The following PIK3C2A variants were observed in gnomAD, a reference collection of about 807,000 sequenced individuals.
The protein encoded by PIK3C2A is phosphatidylinositol 4-phosphate 3-kinase C2 domain-containing subunit alpha.
Under a neutral mutation model 204.5 loss-of-function variants are expected in PIK3C2A, and 97 were observed. The ratio of observed to expected loss-of-function variants is 0.47; its 90% CI spans 0.40 to 0.56. The LOEUF is 0.56. Among genes scored for constraint, PIK3C2A ranks in the 20% least tolerant of loss-of-function variants. The probability of loss-of-function intolerance (pLI) is 0.00; values close to 1 mark genes in which losing one functional copy is unlikely to be tolerated. For synonymous variants in PIK3C2A, 653 were observed against 664.4 expected (o/e 0.98, Z 0.26); for missense variants, 1,735 against 1,969.2 (o/e 0.88, Z 2.25).
At chr11:17,135,651 T>C (rs867809559) in intron 9 of PIK3C2A, among the ~76,000 whole-genome samples, 1 of 151,338 alleles carries the variant, frequency 6.6e-6, no homozygotes, top group African/African-American at 2.4e-5. Context: ...TCCATGGTAG[T>C]TGATCACCTT....
At chr11:17,167,054 T>G (rs1386555369) in intron 2 of PIK3C2A, among the ~76,000 whole-genome samples, 1 of 152,002 alleles carries the variant, frequency 6.6e-6, no homozygotes, top group Non-Finnish European at 1.5e-5. Flanking sequence ...CACAGCAGTC[T>G]CAACCTCCTG....
chr11:17,101,209 T>A (rs1848612962), intron 25 of PIK3C2A, 69 bp downstream of exon 25: 1 of 895,610 alleles, frequency 1.1e-6, no homozygotes, highest in Non-Finnish European at 1.6e-6. Flanking sequence ...CACAAAATAA[T>A]CTTTTTTAAG....
At chr11:17,108,202 C>G (rs1304240142) in intron 22 of PIK3C2A, among the ~76,000 whole-genome samples, 2 of 152,148 alleles carry the variant, frequency 1.3e-5, no homozygotes, top group Non-Finnish European at 2.9e-5. Context: ...AGAGCTGTAA[C>G]ACTCAAAAAT....
intron 1 of PIK3C2A, among the ~76,000 whole-genome samples, chr11:17,192,505 T>G (rs867125484): frequency 6.6e-6 from 1 of 152,234 alleles, no homozygotes; most frequent in Non-Finnish European, 1.5e-5. Context: ...TGGAGTACAG[T>G]GGCGCAATCT....
chr11:17,174,680 C>G (rs999249067), intron 1 of PIK3C2A, among the ~76,000 whole-genome samples: 3 of 151,522 alleles, frequency 2.0e-5, no homozygotes, highest in African/African-American at 7.3e-5. Flanking sequence ...AAGTGGATCA[C>G]CTGAGGTCAG....
At chr11:17,206,455 G>A (rs963382250) in intron 1 of PIK3C2A, among the ~76,000 whole-genome samples, 3 of 151,258 alleles carry the variant, frequency 2.0e-5, no homozygotes, top group Non-Finnish European at 2.9e-5. Flanking sequence ...GGGTCCTTTC[G>A]TCTAATTTGC....
chr11:17,191,860 T>C (rs1241703062), intron 1 of PIK3C2A, among the ~76,000 whole-genome samples: 2 of 151,694 alleles, frequency 1.3e-5, no homozygotes, highest in East Asian at 3.9e-4. Flanking sequence ...TGGCCAGGTG[T>C]GGTGGCTCAT....
rs190586449 is a variant in PIK3C2A at position 17,091,902 on chromosome 11, G to A, written c.4642+94C>T. 3 of 839,408 alleles carry A rather than the reference G, an allele frequency of 3.6e-6. No homozygotes were observed. In the East Asian group the frequency reaches 7.2e-5, roughly 20 times the overall value. 52.0% of individuals were successfully genotyped at this position (839,408 alleles called of 1,614,324 possible). A position where few individuals can be genotyped will look rare whatever the true frequency, so the allele number is the denominator to read the frequency against. ...ACTCTCCTCCCATTCTCAGACTACA[G>A]CTAGTAAGCCTGCTGTCATTCTACC... On this transcript the variant is annotated intron_variant, in intron 30 of 32. Transcript: ENST00000691414.
rs1453392281 is a variant in PIK3C2A at position 17,108,430 on chromosome 11, T to C, written c.3544+2002A>G. Among the ~76,000 whole-genome samples the C allele has an allele frequency of 2.0e-5, 3 of 151,970 alleles. No homozygotes were observed. The East Asian group carries it at 5.8e-4, about 29-fold the overall frequency. On this transcript the variant is annotated intron_variant, in intron 22 of 32. Coordinates refer to ENST00000691414, the MANE Select transcript of PIK3C2A (RefSeq NM_002645.4). The stretch of plus-strand genomic sequence containing the variant: ...GGCCTCGACAACATAGTGAGACCCC[T>C]GTCTTTATGAAAAATTTTAAAAATT...
In PIK3C2A at chr11:17,117,482, G is replaced by A; in HGVS notation, c.3216+9C>T. On this transcript the variant is annotated intron_variant, in intron 19 of 32. Coordinates refer to ENST00000691414, the MANE Select transcript of PIK3C2A (RefSeq NM_002645.4). The stretch of plus-strand genomic sequence containing the variant: ...TAACACATTTATATTACCTTTTATG[G>A]GTACATACCTGTCTGGCTGATCCAC... 1.3e-6 allele frequency: 2 copies of A among 1,580,034 alleles called. No homozygotes were observed. The highest frequency in any genetic ancestry group is 1.7e-6 in the Non-Finnish European group (2 of 1,154,066).
In PIK3C2A at chr11:17,184,222, TA is replaced by T. The variant is rs5789975; in HGVS notation, c.-65-14417del. On this transcript the variant is annotated intron_variant, in intron 1 of 32. Transcript: ENST00000691414. ...ACTTTATAGTACACTCCTTCTACTT[TA>T]AAAAAAAAAAAAAGTTAACTGTAAA... 7.9e-3 allele frequency among the ~76,000 whole-genome samples: 1,163 copies of T among 146,626 alleles called. 25 individuals are homozygous for T. The highest frequency in any genetic ancestry group is 0.047 in the Admixed American group (684 of 14,696).
chr11:17,190,574 C>CAAA (rs35193747), intron 1 of PIK3C2A, among the ~76,000 whole-genome samples: 1 of 114,030 alleles, frequency 8.8e-6, no homozygotes, highest in Admixed American at 9.0e-5. Context: ...GACTCTGTCT[C>CAAA]AAAAAAAAAA....
chr11:17,198,917 G>A (rs1373018221), intron 1 of PIK3C2A, among the ~76,000 whole-genome samples: 2 of 152,066 alleles, frequency 1.3e-5, no homozygotes, highest in Admixed American at 6.6e-5. Context: ...TCAGCAATTC[G>A]AGACCAGCCT....
chr11:17,158,348 C>CA lies in PIK3C2A; in HGVS notation c.1066-2720dup, dbSNP rs1038050449. 3.7e-3 allele frequency among the ~76,000 whole-genome samples: 535 copies of CA among 142,882 alleles called. 5 individuals are homozygous for CA. Among genetic ancestry groups the CA allele is most frequent in the Non-Finnish European group, 6.3e-3 (413 of 65,880 alleles). The allele number at this position is 142,882 out of a possible 152,430, so 93.7% of individuals were successfully genotyped here. A position where few individuals can be genotyped will look rare whatever the true frequency, so the allele number is the denominator to read the frequency against. On this transcript the variant is annotated intron_variant, in intron 2 of 32. Coordinates refer to ENST00000691414, the MANE Select transcript of PIK3C2A (RefSeq NM_002645.4). ...GGGCAATAAGAGCAAAACTCCGTCTCAAAAAAAAATAATAATAATAATAAA... is the reference window on the plus strand; with the variant it reads ...GGGCAATAAGAGCAAAACTCCGTCTCAAAAAAAAAATAATAATAATAATAAA...
chr11:17,168,675 A>C lies in PIK3C2A; in HGVS notation c.1065+2T>G. 1.3e-6 allele frequency: 2 copies of C among 1,526,470 alleles called. No individual in the cohort carries two copies. The highest frequency in any genetic ancestry group is 1.8e-6 in the Non-Finnish European group (2 of 1,126,990). 94.6% of individuals were successfully genotyped at this position (1,526,470 alleles called of 1,614,324 possible). Reference sequence around the variant, plus strand: ...TGAGAAGTTAGTAAGAAAAGACTATACCTGAGATATATGGCCCTGGGCTTT... The same window carrying C: ...TGAGAAGTTAGTAAGAAAAGACTATCCCTGAGATATATGGCCCTGGGCTTT... On this transcript the variant is annotated splice_donor_variant, in intron 2 of 32. Coordinates refer to ENST00000691414, the MANE Select transcript of PIK3C2A (RefSeq NM_002645.4). LOFTEE classifies it high-confidence loss of function.
chr11:17,194,782 GC>G (rs1438661519), intron 1 of PIK3C2A, among the ~76,000 whole-genome samples: 9 of 152,176 alleles, frequency 5.9e-5, no homozygotes, highest in African/African-American at 2.2e-4. Context: ...GGTGGCACAT[GC>G]CTGTTATCCC....
intron 2 of PIK3C2A, among the ~76,000 whole-genome samples, chr11:17,163,023 T>C (rs773810884): frequency 6.6e-6 from 1 of 152,164 alleles, no homozygotes; most frequent in Non-Finnish European, 1.5e-5. Context: ...TAGGACTTGT[T>C]TGGCCAGGCA....
In PIK3C2A at chr11:17,105,297, C is replaced by G. The variant is rs1848773752; in HGVS notation, c.3553G>C (p.Glu1185Gln). 1 of 1,608,272 alleles carries G rather than the reference C, an allele frequency of 6.2e-7. No homozygotes were observed. Among genetic ancestry groups the G allele is most frequent in the Non-Finnish European group, 8.5e-7 (1 of 1,177,666 alleles). ...AGGGTATCGGAAGCAGGAACCAGCT[C>G]CACCATGCCTTTAATGATAAAATAT... is the stretch of plus-strand genomic sequence containing the variant. ...LSTGRDRGMV[E>Q]LVPASDTLRK... The change falls in exon 23 of 33, where the codon GAG becomes CAG. Residue 1185 changes from glutamate to glutamine, a missense_variant. Physicochemically the swap from Glu to Gln is conservative, Grantham distance 29. Transcript: ENST00000691414.
chr11:17,133,815 C>T (rs191526337), intron 11 of PIK3C2A, among the ~76,000 whole-genome samples: 1 of 151,986 alleles, frequency 6.6e-6, no homozygotes, highest in East Asian at 1.9e-4. Flanking sequence ...GTAATCCTAG[C>T]TACTGGGGAG....
Sources: allele counts gnomAD v4.1 joint callset (sites outside exome capture counted in the v4.1 genomes callset), GRCh38; gene constraint gnomAD v4.1.1; transcripts MANE v1.5; gene names NCBI Gene and HGNC (gene_info 2026-07-23, HGNC 2026-07-21).